ATP11B: variants seen among roughly 807,000 people sequenced by gnomAD.
ATP11B encodes phospholipid-transporting ATPase IF.
ATP11B carries 81 observed loss-of-function variants against 157.8 expected under a neutral mutation model. The ratio of observed to expected loss-of-function variants is 0.51; its 90% CI spans 0.43 to 0.62. ATP11B has a LOEUF of 0.62. ATP11B is among the 20% of genes least tolerant of loss of function. The probability of loss-of-function intolerance (pLI) is 0.00; values close to 1 mark genes in which losing one functional copy is unlikely to be tolerated. For missense variants in ATP11B, 1,165 were observed against 1,402.2 expected (o/e 0.83, Z 2.70); for synonymous variants, 451 against 469.4 (o/e 0.96, Z 0.51).
Position 182,828,106 on chromosome 3 carries a change from CTCTT to C in ATP11B, c.145-8_145-5del, listed in dbSNP as rs753070302. 6 of 1,191,024 alleles carry C rather than the reference CTCTT, an allele frequency of 5.0e-6. No homozygotes were observed. The highest frequency in any genetic ancestry group is 5.8e-6 in the Non-Finnish European group (5 of 858,518). The allele number at this position is 1,191,024 out of a possible 1,614,324, so 73.8% of individuals were successfully genotyped here. On this transcript the variant is annotated splice_polypyrimidine_tract_variant and intron_variant, in intron 2 of 29. Coordinates refer to ENST00000323116, the MANE Select transcript of ATP11B (RefSeq NM_014616.3). ...TATTTTTAAATATTAATTTATTGAT[CTCTT>C]TCTTTTTAGTACACTGTGTGGAATT...
chr3:182,889,549 G>A lies in ATP11B; in HGVS notation c.2982+1G>A, dbSNP rs1723034444. ...TACATCTCTGCTTGGAAATGGCCAGGTAAAGTATATAGTTTTTTTAAAGAA... is the reference window on the plus strand; with the variant it reads ...TACATCTCTGCTTGGAAATGGCCAGATAAAGTATATAGTTTTTTTAAAGAA... On this transcript the variant is annotated splice_donor_variant, in intron 25 of 29. Coordinates refer to ENST00000323116, the MANE Select transcript of ATP11B (RefSeq NM_014616.3). LOFTEE classifies it high-confidence loss of function. 1 of 1,540,824 alleles carries A rather than the reference G, an allele frequency of 6.5e-7. No homozygotes were observed. Among genetic ancestry groups the A allele is most frequent in the Non-Finnish European group, 8.7e-7 (1 of 1,154,298 alleles).
rs938159202 is a variant in ATP11B, at chr3:182,897,306, G to A, written c.3052G>A (p.Ala1018Thr). 6.4e-7 allele frequency: 1 copy of A among 1,557,610 alleles called. No individual in the cohort carries two copies. Among genetic ancestry groups the A allele is most frequent in the Non-Finnish European group, 8.6e-7 (1 of 1,160,084 alleles). ...VMVITVTVKM[A>T]LETHFWTWIN... ...GGATATAAAAACTTTTTTTTAGATG[G>A]CTCTGGAAACTCATTTTTGGACTTG... The change falls in exon 27 of 30, where the codon GCT becomes ACT. Residue 1018 changes from alanine (A) to threonine (T), a missense_variant. By Grantham distance (58) the Ala-to-Thr change is moderately conservative (BLOSUM62 0). Coordinates refer to ENST00000323116, the MANE Select transcript of ATP11B (RefSeq NM_014616.3).
At chr3:182,841,848 G>A (rs1351495007) in intron 7 of ATP11B, among the ~76,000 whole-genome samples, 1 of 151,556 alleles carries the variant, frequency 6.6e-6, no homozygotes, top group Non-Finnish European at 1.5e-5. Context: ...GTGTGGTGGC[G>A]GGCACGTGTA....
chr3:182,832,831 A>G (rs1383523372), intron 4 of ATP11B, among the ~76,000 whole-genome samples: 2 of 152,198 alleles, frequency 1.3e-5, no homozygotes, highest in Non-Finnish European at 2.9e-5. Flanking sequence ...AAAAATAATT[A>G]TGGTTCAATA....
intron 17 of ATP11B, among the ~76,000 whole-genome samples, chr3:182,870,294 C>A (rs1396005583): frequency 6.6e-6 from 1 of 152,178 alleles, no homozygotes; most frequent in Non-Finnish European, 1.5e-5. Flanking sequence ...ATGTAAATGG[C>A]AAAATTATTA....
intron 28 of ATP11B, among the ~76,000 whole-genome samples, chr3:182,904,647 G>C (rs983375793): frequency 6.6e-6 from 1 of 152,084 alleles, no homozygotes; most frequent in Non-Finnish European, 1.5e-5. Context: ...CAGCATTTTG[G>C]GAGGCCAAGA....
rs1041905879 is a variant in ATP11B at position 182,857,198 on chromosome 3, T to C, written c.852-680T>C. 4.6e-5 allele frequency among the ~76,000 whole-genome samples: 7 copies of C among 152,336 alleles called. No homozygotes were observed. In the East Asian group the frequency reaches 5.8e-4, roughly 13 times the overall value. On this transcript the variant is annotated intron_variant, in intron 10 of 29. Coordinates refer to ENST00000323116, the MANE Select transcript of ATP11B (RefSeq NM_014616.3). Reference sequence around the variant, plus strand: ...TCTCGCTCTGTCGCCCAGGCTAGAGTGCAGTGGCACGATCTCGCCTCACTG... The same window carrying C: ...TCTCGCTCTGTCGCCCAGGCTAGAGCGCAGTGGCACGATCTCGCCTCACTG...
chr3:182,849,943 A>G (rs1234130719), intron 10 of ATP11B, among the ~76,000 whole-genome samples: 2 of 152,216 alleles, frequency 1.3e-5, no homozygotes, highest in Non-Finnish European at 2.9e-5. Context: ...AAAGAAACCC[A>G]CACCAAAGCA....
chr3:182,844,549 GA>G, intron 8 of ATP11B: 1 of 984,588 alleles, frequency 1.0e-6, no homozygotes, highest in Non-Finnish European at 1.2e-6. Context: ...TTTATGGAGA[GA>G]AATTCAAACA....
At chr3:182,874,159 T>A in intron 19 of ATP11B, 144 bp downstream of exon 19, 1 of 654,112 alleles carries the variant, frequency 1.5e-6, no homozygotes, top group Non-Finnish European at 2.6e-6. Context: ...ATAGATGAAA[T>A]CCAAAGAAGA....
intron 2 of ATP11B, among the ~76,000 whole-genome samples, chr3:182,823,830 T>G (rs1717537658): frequency 6.7e-6 from 1 of 148,848 alleles, no homozygotes; most frequent in Non-Finnish European, 1.5e-5. Context: ...AAACTTTAGG[T>G]TTTTTTTTTA....
intron 12 of ATP11B, among the ~76,000 whole-genome samples, chr3:182,860,180 T>C (rs1214734107): frequency 6.6e-6 from 1 of 152,160 alleles, no homozygotes; most frequent in Non-Finnish European, 1.5e-5. Flanking sequence ...TCTAATAACT[T>C]CCTGAGAAAG....
intron 2 of ATP11B, among the ~76,000 whole-genome samples, chr3:182,825,261 T>C (rs372602585): frequency 6.6e-6 from 1 of 152,242 alleles, no homozygotes; most frequent in Admixed American, 6.5e-5. Flanking sequence ...TAAATTTTTT[T>C]CATACACTTT....
At chr3:182,841,376 C>T (rs546910383) in intron 7 of ATP11B, among the ~76,000 whole-genome samples, 5 of 152,280 alleles carry the variant, frequency 3.3e-5, no homozygotes, top group South Asian at 4.1e-4. Context: ...ATCTCAAGCA[C>T]CTAGAACAGT....
chr3:182,810,889 C>T (rs549918171), intron 1 of ATP11B, among the ~76,000 whole-genome samples: 3 of 152,142 alleles, frequency 2.0e-5, no homozygotes, highest in East Asian at 1.9e-4. Context: ...TTCCCCTGTT[C>T]GTATCAAATA....
At chr3:182,836,574 G>C in intron 6 of ATP11B, 104 bp downstream of exon 6, 2 of 1,329,982 alleles carry the variant, frequency 1.5e-6, no homozygotes, top group African/African-American at 1.5e-5. Flanking sequence ...CCAGATTAAG[G>C]GGAAGTTTTT....
intron 28 of ATP11B, among the ~76,000 whole-genome samples, chr3:182,907,529 C>G (rs1724455168): frequency 6.6e-6 from 1 of 152,154 alleles, no homozygotes; most frequent in South Asian, 2.1e-4. Flanking sequence ...AAAAGATATT[C>G]AAAAGAATCC....
chr3:182,900,260 G>T (rs553476375), intron 28 of ATP11B, among the ~76,000 whole-genome samples: 1 of 152,272 alleles, frequency 6.6e-6, no homozygotes, highest in Admixed American at 6.5e-5. Flanking sequence ...TCATATCTGT[G>T]TCCTTGATCA....
At position 182,793,611 on chromosome 3, in the gene ATP11B, C is replaced by G; in HGVS notation, c.-149C>G. ...GGGCCGACGCCGCGGGATGGGGACG[C>G]GGCGCGGGGAGTGAGGCAGTGGCGG... On this transcript the variant is annotated 5_prime_UTR_variant, in exon 1 of 30. Coordinates refer to ENST00000323116, the MANE Select transcript of ATP11B (RefSeq NM_014616.3). 7.2e-6 allele frequency: 3 copies of G among 413,922 alleles called. No individual in the cohort carries two copies. The South Asian group carries it at 2.3e-4, about 32-fold the overall frequency. 25.6% of individuals were successfully genotyped at this position (413,922 alleles called of 1,614,324 possible). A position where few individuals can be genotyped will look rare whatever the true frequency, so the allele number is the denominator to read the frequency against.
Sources: gnomAD v4.1 joint callset for allele counts (sites outside exome capture counted in the v4.1 genomes callset) on GRCh38, gnomAD v4.1.1 for gene constraint, MANE v1.5 for transcripts, NCBI Gene and HGNC (gene_info 2026-07-23, HGNC 2026-07-21) for gene names.